The following FAM114A1 variants were observed in gnomAD, a reference collection of about 807,000 sequenced individuals.
The protein encoded by FAM114A1 is family with sequence similarity 114 member A1.
In FAM114A1, 62 loss-of-function variants were observed where a neutral mutation model predicts 64.3. The observed-to-expected ratio is 0.96, with a 90% CI of 0.79 to 1.19. The LOEUF is 1.19. Among genes scored for constraint, FAM114A1 ranks in the 50% most tolerant of loss-of-function variants. The pLI is 0.00. For synonymous variants in FAM114A1, 254 were observed against 251.1 expected, an observed-to-expected ratio of 1.01 and a Z score of -0.11; for missense variants, 645 against 676.3, an observed-to-expected ratio of 0.95 and a Z score of 0.51.
rs1220698087 is a variant in FAM114A1 at position 38,905,814 on chromosome 4, G to A, written c.610G>A (p.Ala204Thr). ...AAGCCCACCCACTTCCCCTTCATCA[G>A]CCTCTCGGGGTATGCTGTCTGCCAT... is the stretch of plus-strand genomic sequence containing the variant. ...AESPPTSPSS[A>T]SRGMLSAITN... is the part of the protein sequence containing the mutation. The change falls in exon 6 of 15, where the codon GCC becomes ACC. Residue 204 changes from alanine to threonine, a missense_variant. Ala to Thr is a moderately conservative substitution (Grantham distance 58). Coordinates refer to ENST00000358869, the MANE Select transcript of FAM114A1 (RefSeq NM_138389.4). The A allele has an allele frequency of 1.2e-6, 2 of 1,613,952 alleles. No homozygotes were observed. The highest frequency in any genetic ancestry group is 1.1e-5 in the South Asian group (1 of 91,084).
chr4:38,893,770 A>G (rs1192293385), intron 4 of FAM114A1, among the ~76,000 whole-genome samples: 1 of 152,162 alleles, frequency 6.6e-6, no homozygotes, highest in Non-Finnish European at 1.5e-5. Flanking sequence ...ACCTTTGCAC[A>G]CATGCAGCTT....
rs1488680677 is a variant in FAM114A1, at chr4:38,935,822, T to G, written c.1536+32T>G. The G allele has an allele frequency of 3.5e-5, 52 of 1,467,660 alleles. No individual in the cohort carries two copies. The East Asian group carries it at 1.2e-3, about 33-fold the overall frequency. 90.9% of individuals were successfully genotyped at this position (1,467,660 alleles called of 1,614,324 possible). A position where few individuals can be genotyped will look rare whatever the true frequency, so the allele number is the denominator to read the frequency against. On this transcript the variant is annotated intron_variant, in intron 13 of 14. Coordinates refer to ENST00000358869, the MANE Select transcript of FAM114A1 (RefSeq NM_138389.4). The stretch of plus-strand genomic sequence containing the variant: ...TTACAGTCTTGAATTTTTTTCACCT[T>G]TTTTAAGGGAAGTATGTCTGTGAGG...
At chr4:38,876,733 T>C (rs1714684056) in intron 2 of FAM114A1, among the ~76,000 whole-genome samples, 1 of 152,232 alleles carries the variant, frequency 6.6e-6, no homozygotes, top group South Asian at 2.1e-4. Context: ...GAAATCAGTG[T>C]CCATGGGCTA....
At chr4:38,892,868 A>C (rs1716536480) in intron 4 of FAM114A1, among the ~76,000 whole-genome samples, 1 of 152,238 alleles carries the variant, frequency 6.6e-6, no homozygotes, top group Non-Finnish European at 1.5e-5. Flanking sequence ...CAGATATCTA[A>C]CTTGACAGAG....
chr4:38,883,033 T>C (rs1041824665), intron 3 of FAM114A1, among the ~76,000 whole-genome samples: 2 of 152,230 alleles, frequency 1.3e-5, no homozygotes, highest in African/African-American at 2.4e-5. Flanking sequence ...CAGAAGCCAT[T>C]GAATTGAGCC....
At chr4:38,929,933 A>G (rs1407940933) in intron 10 of FAM114A1, among the ~76,000 whole-genome samples, 1 of 152,226 alleles carries the variant, frequency 6.6e-6, no homozygotes, top group African/African-American at 2.4e-5. Context: ...TTACCTTTTC[A>G]TGGCAAAATA....
chr4:38,942,208 G>A (rs1721630189), intron 14 of FAM114A1, among the ~76,000 whole-genome samples: 1 of 152,130 alleles, frequency 6.6e-6, no homozygotes, highest in Non-Finnish European at 1.5e-5. Context: ...ATGAGATTTG[G>A]GTGGTGACAC....
At position 38,922,746 on chromosome 4, in the gene FAM114A1, G is replaced by A. The variant is rs186937866; in HGVS notation, c.946-24G>A. On this transcript the variant is annotated intron_variant, in intron 8 of 14. Coordinates refer to ENST00000358869, the MANE Select transcript of FAM114A1 (RefSeq NM_138389.4). ...TTAACGAGAAGAAAAGATGACAGTCGTGCTGACCTATTTCTTTTTTCAGGT... is the reference window on the plus strand; with the variant it reads ...TTAACGAGAAGAAAAGATGACAGTCATGCTGACCTATTTCTTTTTTCAGGT... 50 of 1,602,652 alleles carry A rather than the reference G, an allele frequency of 3.1e-5. No individual in the cohort carries two copies. In the East Asian group the frequency reaches 3.8e-4, roughly 12 times the overall value.
intron 2 of FAM114A1, among the ~76,000 whole-genome samples, chr4:38,873,016 A>G (rs7663084): frequency 0.25 from 37,999 of 151,886 alleles, 5,277 homozygotes; most frequent in Non-Finnish European, 0.28. Flanking sequence ...CAGCCTTTTT[A>G]GCAGCCCCCA....
chr4:38,899,896 C>CT (rs1717339096), intron 4 of FAM114A1, among the ~76,000 whole-genome samples: 1 of 151,118 alleles, frequency 6.6e-6, no homozygotes, highest in African/African-American at 2.4e-5. Context: ...ATTTTTTTTT[C>CT]TTTTAAAGCC....
intron 4 of FAM114A1, among the ~76,000 whole-genome samples, chr4:38,898,818 C>CT (rs2109641690): frequency 6.6e-6 from 1 of 151,912 alleles, no homozygotes; most frequent in Non-Finnish European, 1.5e-5. Flanking sequence ...TCAACTTGTG[C>CT]TTTTCTGAAC....
At chr4:38,933,171 G>T (rs926540535) in intron 12 of FAM114A1, among the ~76,000 whole-genome samples, 1 of 152,084 alleles carries the variant, frequency 6.6e-6, no homozygotes, top group African/African-American at 2.4e-5. Flanking sequence ...GATTTCTTTA[G>T]CAAGTGCATT....
At chr4:38,915,222 C>A (rs571963204) in intron 8 of FAM114A1, 149 bp downstream of exon 8, 3 of 1,004,954 alleles carry the variant, frequency 3.0e-6, no homozygotes, top group Admixed American at 5.4e-5. Flanking sequence ...AATGGGATGA[C>A]CCTCGAGCTC....
At chr4:38,922,689 G>A in intron 8 of FAM114A1, 81 bp from the exon 9 acceptor site, 1 of 1,508,814 alleles carries the variant, frequency 6.6e-7, no homozygotes, top group Non-Finnish European at 8.9e-7. Flanking sequence ...TTTTGTCCTG[G>A]GAAAACTGGG....
chr4:38,898,578 C>G (rs1378710571), intron 4 of FAM114A1, among the ~76,000 whole-genome samples: 1 of 152,184 alleles, frequency 6.6e-6, no homozygotes, highest in African/African-American at 2.4e-5. Context: ...GTCCATCGTC[C>G]TTTAGATTCT....
intron 3 of FAM114A1, among the ~76,000 whole-genome samples, chr4:38,886,263 C>A (rs1384451227): frequency 6.6e-6 from 1 of 151,716 alleles, no homozygotes; most frequent in Non-Finnish European, 1.5e-5. Flanking sequence ...CCTCCGCCTC[C>A]TGGGTTTAAG....
intron 10 of FAM114A1, 128 bp downstream of exon 10, chr4:38,929,461 G>A: frequency 4.4e-6 from 3 of 677,418 alleles, no homozygotes; most frequent in Non-Finnish European, 7.5e-6. Context: ...AGTGCCGGGA[G>A]AGGAGTTTGA....
intron 8 of FAM114A1, among the ~76,000 whole-genome samples, chr4:38,915,987 C>G (rs1719020048): frequency 6.6e-6 from 1 of 152,176 alleles, no homozygotes; most frequent in Non-Finnish European, 1.5e-5. Context: ...TGGTGACATT[C>G]ATTGAGGAGA....
At chr4:38,926,960 G>A (rs116889453) in intron 9 of FAM114A1, among the ~76,000 whole-genome samples, 6 of 152,262 alleles carry the variant, frequency 3.9e-5, no homozygotes, top group East Asian at 1.9e-4. Context: ...GGGTTAAAAC[G>A]ATTTGCTTGT....
Sources: gnomAD v4.1 joint callset for allele counts (sites outside exome capture counted in the v4.1 genomes callset) on GRCh38, gnomAD v4.1.1 for gene constraint, MANE v1.5 for transcripts, NCBI Gene and HGNC (gene_info 2026-07-23, HGNC 2026-07-21) for gene names.